The following FSTL4 variants were observed in gnomAD, a reference collection of about 807,000 sequenced individuals.
The protein encoded by FSTL4 is follistatin like 4.
FSTL4 carries 28 observed loss-of-function variants against 78.2 expected under a neutral mutation model. That is an observed-to-expected ratio of 0.36 (90% CI 0.27 to 0.49). The LOEUF (loss-of-function observed/expected upper bound fraction) is 0.49, where lower values mean the gene tolerates loss of function less well. Among genes scored for constraint, FSTL4 ranks in the 20% least tolerant of loss-of-function variants. The probability of loss-of-function intolerance (pLI) is 0.98; values close to 1 mark genes in which losing one functional copy is unlikely to be tolerated. For synonymous variants in FSTL4, 422 were observed against 440.5 expected, an observed-to-expected ratio of 0.96 and a Z score of 0.53; for missense variants, 922 against 1,084.9, an observed-to-expected ratio of 0.85 and a Z score of 2.11.
intron 3 of FSTL4, among the ~76,000 whole-genome samples, chr5:133,436,890 T>A (rs918027151): frequency 1.3e-5 from 2 of 152,068 alleles, no homozygotes; most frequent in African/African-American, 4.8e-5. Context: ...ATTATGAGAG[T>A]CTTGTTGAGA....
rs556801227 is a variant in FSTL4, at chr5:133,455,600, G to A, written c.161-54614C>T. On this transcript the variant is annotated intron_variant, in intron 3 of 15. Coordinates refer to ENST00000265342, the MANE Select transcript of FSTL4 (RefSeq NM_015082.2). ...TTAGCCAGCTGAAGCTGACAAGAGA[G>A]GGTCTTTGAAAGAGGCCTGCAAAAG... Among the ~76,000 whole-genome samples the A allele has an allele frequency of 3.2e-4, 49 of 152,334 alleles. 1 individual carries two copies. The highest frequency in any genetic ancestry group is 1.2e-3 in the African/African-American group (48 of 41,560).
the FSTL4 span, among the ~76,000 whole-genome samples, chr5:133,774,945 T>A: frequency 4.6e-5 from 7 of 152,040 alleles, no homozygotes; most frequent in African/African-American, 1.7e-4. Context: ...AAGAATGCAA[T>A]AGTCTAGAAT....
intron 3 of FSTL4, among the ~76,000 whole-genome samples, chr5:133,411,260 T>G (rs1756472673): frequency 6.6e-6 from 1 of 152,156 alleles, no homozygotes; most frequent in African/African-American, 2.4e-5. Flanking sequence ...GAATTACAGC[T>G]ACTGCAGAGG....
chr5:133,841,417 C>T, the FSTL4 span, among the ~76,000 whole-genome samples: 19 of 152,364 alleles, frequency 1.2e-4, no homozygotes, highest in Middle Eastern at 3.4e-3. Context: ...AAAGAACAAA[C>T]AAGTGAGCAA....
the FSTL4 span, among the ~76,000 whole-genome samples, chr5:133,804,074 T>C: frequency 2.6e-5 from 4 of 152,222 alleles, no homozygotes; most frequent in Non-Finnish European, 5.9e-5. Flanking sequence ...ATGTAGCCTT[T>C]CTGAATTTTG....
chr5:133,474,275 C>T (rs190317), intron 3 of FSTL4, among the ~76,000 whole-genome samples: 120,861 of 152,016 alleles, frequency 0.8, 48,509 homozygotes, highest in African/African-American at 0.9. Flanking sequence ...TCTCTCATCA[C>T]GTCCTCCACG....
the FSTL4 span, among the ~76,000 whole-genome samples, chr5:133,769,713 C>A: frequency 3.3e-5 from 5 of 152,150 alleles, no homozygotes; most frequent in African/African-American, 1.2e-4. Flanking sequence ...TTTAAAAAAT[C>A]TTTATGTATT....
chr5:133,551,935 C>A (rs904191778), intron 3 of FSTL4, among the ~76,000 whole-genome samples: 4 of 152,132 alleles, frequency 2.6e-5, no homozygotes, highest in Non-Finnish European at 4.4e-5. Context: ...CAAGCTTGAA[C>A]CTTGCTTGTA....
chr5:133,216,916 A>G (rs1366802079), intron 13 of FSTL4, among the ~76,000 whole-genome samples: 1 of 152,204 alleles, frequency 6.6e-6, no homozygotes, highest in Non-Finnish European at 1.5e-5. Flanking sequence ...GAAAAGGCCA[A>G]TTGAAAATAG....
At chr5:133,342,646 T>G (rs1417936390) in intron 4 of FSTL4, among the ~76,000 whole-genome samples, 2 of 152,148 alleles carry the variant, frequency 1.3e-5, no homozygotes, top group Non-Finnish European at 2.9e-5. Context: ...GCAGGTGAGC[T>G]GAGCAGAGAC....
intron 3 of FSTL4, among the ~76,000 whole-genome samples, chr5:133,557,356 G>C (rs1454350903): frequency 1.3e-5 from 2 of 152,194 alleles, no homozygotes; most frequent in Non-Finnish European, 2.9e-5. Flanking sequence ...TGGAGAGTGA[G>C]AGACACCCAG....
At chr5:133,332,694 C>G (rs1419687997) in intron 4 of FSTL4, among the ~76,000 whole-genome samples, 2 of 152,156 alleles carry the variant, frequency 1.3e-5, no homozygotes, top group African/African-American at 4.8e-5. Flanking sequence ...ACTTTCCAGG[C>G]AGAAGGGCAA....
intron 6 of FSTL4, among the ~76,000 whole-genome samples, chr5:133,259,518 CT>C (rs3976227): frequency 0.031 from 3,910 of 126,236 alleles, 157 homozygotes; most frequent in African/African-American, 0.11. Context: ...ATTTTTTTTT[CT>C]TTTTTTTTTT....
the FSTL4 span, among the ~76,000 whole-genome samples, chr5:133,661,321 A>G: frequency 1.3e-5 from 2 of 152,180 alleles, no homozygotes; most frequent in Non-Finnish European, 2.9e-5. Flanking sequence ...TACTGTCACT[A>G]TGACCTTGGG....
At chr5:133,703,952 C>T in the FSTL4 span, among the ~76,000 whole-genome samples, 1 of 152,000 alleles carries the variant, frequency 6.6e-6, no homozygotes, top group African/African-American at 2.4e-5. Flanking sequence ...CATTGAGAGG[C>T]AATATAGGAG....
the FSTL4 span, among the ~76,000 whole-genome samples, chr5:133,748,433 TG>T: frequency 6.6e-6 from 1 of 151,702 alleles, no homozygotes; most frequent in Non-Finnish European, 1.5e-5. Context: ...TAGCTGGGCT[TG>T]GTGGTGTATC....
chr5:133,538,425 C>T (rs1017340784), intron 3 of FSTL4, among the ~76,000 whole-genome samples: 4 of 152,130 alleles, frequency 2.6e-5, no homozygotes, highest in Non-Finnish European at 4.4e-5. Context: ...GTGATGCTAG[C>T]TTTAATTGCT....
At chr5:133,569,802 T>C (rs1372892448) in intron 2 of FSTL4, among the ~76,000 whole-genome samples, 2 of 152,202 alleles carry the variant, frequency 1.3e-5, no homozygotes, top group Non-Finnish European at 2.9e-5. Context: ...TTTAAAAATA[T>C]GCTGCTGGAT....
chr5:133,541,827 G>GTTCC (rs1759478216), intron 3 of FSTL4, among the ~76,000 whole-genome samples: 1 of 152,010 alleles, frequency 6.6e-6, no homozygotes, highest in Non-Finnish European at 1.5e-5. Context: ...AGGAAGCTTA[G>GTTCC]TTCCCTTCAG....
Sources: allele counts gnomAD v4.1 joint callset (sites outside exome capture counted in the v4.1 genomes callset), GRCh38; gene constraint gnomAD v4.1.1; transcripts MANE v1.5; gene names NCBI Gene and HGNC (gene_info 2026-07-23, HGNC 2026-07-21).